SRL: variants seen among roughly 807,000 people sequenced by gnomAD.
The protein encoded by SRL is sarcalumenin.
SRL carries 23 observed loss-of-function variants against 39.5 expected under a neutral mutation model. The observed-to-expected ratio is 0.58, with a 90% CI of 0.42 to 0.82. The LOEUF is 0.82. Ranked by LOEUF, SRL falls within the 40% of genes least tolerant of loss-of-function variation. SRL has a pLI of 0.00. For missense variants in SRL, 592 were observed against 607.8 expected, an observed-to-expected ratio of 0.97 and a Z score of 0.27; for synonymous variants, 272 against 237.4, an observed-to-expected ratio of 1.15 and a Z score of -1.34.
Position 4,203,204 on chromosome 16 carries a change from G to T in SRL, c.221C>A (p.Ser74Tyr), listed in dbSNP as rs370600188. 1 of 1,614,192 alleles carries T rather than the reference G, an allele frequency of 6.2e-7. No homozygotes were observed. Among genetic ancestry groups the T allele is most frequent in the Non-Finnish European group, 8.5e-7 (1 of 1,180,024 alleles). ...CTGCCGGAGCTCATTGTACTTGTAGGACTGCTCCAGAGGCTTGATGGATGA... is the reference window on the plus strand; with the variant it reads ...CTGCCGGAGCTCATTGTACTTGTAGTACTGCTCCAGAGGCTTGATGGATGA... ...YHSSIKPLEQ[S>Y]YKYNELRQHE... The change falls in exon 3 of 6, where the codon TCC becomes TAC. Residue 74 changes from serine to tyrosine, a missense_variant. Coordinates refer to ENST00000399609, the MANE Select transcript of SRL (RefSeq NM_001098814.2).
chr16:4,195,437 A>C, intron 5 of SRL, 116 bp downstream of exon 5: 1 of 1,023,528 alleles, frequency 9.8e-7, no homozygotes, highest in Non-Finnish European at 1.5e-6. Context: ...GCCTCAAGGG[A>C]TCCTCCTGTC....
chr16:4,221,459 C>CAG lies in SRL; in HGVS notation c.62-16827_62-16826dup, dbSNP rs531363373. Among the ~76,000 whole-genome samples the CAG allele has an allele frequency of 1.2e-4, 19 of 152,180 alleles. 1 individual carries two copies. Among genetic ancestry groups the CAG allele is most frequent in the Non-Finnish European group, 2.8e-4 (19 of 68,032 alleles). The stretch of plus-strand genomic sequence containing the variant: ...GAAGAGAGGAAGGCTGAAGCCACAG[C>CAG]AGGGCTAGAGCAAGTGTACATTCCA... On this transcript the variant is annotated intron_variant, in intron 1 of 5. Coordinates refer to ENST00000399609, the MANE Select transcript of SRL (RefSeq NM_001098814.2).
In SRL at chr16:4,197,810, T is replaced by C; in HGVS notation, c.365A>G (p.Gln122Arg). The C allele has an allele frequency of 6.2e-7, 1 of 1,603,040 alleles. No homozygotes were observed. The highest frequency in any genetic ancestry group is 8.5e-7 in the Non-Finnish European group (1 of 1,169,884). ...AGAATATTGATTACCTGTATAGAGC[T>C]GATAGCGAGTATTTTCCAGCCCAAG... Reference protein sequence around the residue: ...YLLGLENTRYQLYTGAEPTTS... With the variant: ...YLLGLENTRYRLYTGAEPTTS... The change falls in exon 4 of 6, where the codon CAG becomes CGG. Residue 122 changes from glutamine (Q) to arginine (R), a missense_variant. Transcript: ENST00000399609.
At chr16:4,219,522 C>T (rs902502212) in intron 1 of SRL, among the ~76,000 whole-genome samples, 6 of 152,318 alleles carry the variant, frequency 3.9e-5, no homozygotes, top group Middle Eastern at 3.4e-3. Context: ...AGCGCGATAT[C>T]GGCTCACTGC....
Position 4,192,042 on chromosome 16 carries a change from CT to C in SRL, c.*110del. The C allele has an allele frequency of 8.1e-7, 1 of 1,232,174 alleles. No homozygotes were observed. Among genetic ancestry groups the C allele is most frequent in the Non-Finnish European group, 1.1e-6 (1 of 878,988 alleles). 76.3% of individuals were successfully genotyped at this position (1,232,174 alleles called of 1,614,324 possible). ...GCCTCAATGAACTCCCAACTCTCCACTGTGTAATAATTCCTGCCAGTGTGGC... is the reference window on the plus strand; with the variant it reads ...GCCTCAATGAACTCCCAACTCTCCACGTGTAATAATTCCTGCCAGTGTGGC... On this transcript the variant is annotated 3_prime_UTR_variant, in exon 6 of 6. Transcript: ENST00000399609. The surrounding 1 kb of genome is among the most constrained non-coding windows in gnomAD (Gnocchi z 4.0).
At chr16:4,199,863 A>G (rs1034140129) in intron 3 of SRL, among the ~76,000 whole-genome samples, 12 of 151,166 alleles carry the variant, frequency 7.9e-5, no homozygotes, top group Admixed American at 1.3e-4. Context: ...CGCCTGGCTA[A>G]TTTTTGTATT....
intron 5 of SRL, 120 bp from the exon 6 acceptor site, chr16:4,193,084 G>T (rs924579751): frequency 1.2e-6 from 1 of 839,826 alleles, no homozygotes; most frequent in Non-Finnish European, 1.8e-6. Context: ...GGATTTTCTG[G>T]GTTTCTACAG....
chr16:4,197,060 C>CTTTTTTTTTTTTTTT (rs1172658613), intron 4 of SRL, among the ~76,000 whole-genome samples: 1 of 85,918 alleles, frequency 1.2e-5, no homozygotes, highest in African/African-American at 4.6e-5. Flanking sequence ...TCCAAATTTT[C>CTTTTTTTTTTTTTTT]TTTTTTTTTT....
rs2052318895 is a variant in SRL at position 4,206,399 on chromosome 16, G to T, written c.62-1765C>A. On this transcript the variant is annotated intron_variant, in intron 1 of 5. Coordinates refer to ENST00000399609, the MANE Select transcript of SRL (RefSeq NM_001098814.2). ...TCCCTGCACGTCCCTCCACCCGCTG[G>T]CCCCGGGGCACCAATCATTCCATTA... Among the ~76,000 whole-genome samples the T allele has an allele frequency of 2.0e-5, 3 of 152,126 alleles. No homozygotes were observed. In the South Asian group the frequency reaches 6.2e-4, roughly 32 times the overall value.
chr16:4,222,829 C>A lies in SRL; in HGVS notation c.62-18195G>T, dbSNP rs114753882. ...CAATTCCTGGCGAGATGCGGTGGCT[C>A]ACGCCTAGAATCCCAGCACTTTGGG... On this transcript the variant is annotated intron_variant, in intron 1 of 5. Transcript: ENST00000399609. Among the ~76,000 whole-genome samples, 460 of 152,268 alleles carry A rather than the reference C, an allele frequency of 3.0e-3. 3 individuals are homozygous for A. The highest frequency in any genetic ancestry group is 0.011 in the African/African-American group (437 of 41,574).
chr16:4,199,533 G>C (rs907794845), intron 3 of SRL, among the ~76,000 whole-genome samples: 3 of 151,376 alleles, frequency 2.0e-5, no homozygotes, highest in Non-Finnish European at 4.4e-5. Context: ...ACCAAGCCCA[G>C]CTCATTTTTG....
At chr16:4,214,169 A>G (rs1195010984) in intron 1 of SRL, among the ~76,000 whole-genome samples, 7 of 152,248 alleles carry the variant, frequency 4.6e-5, no homozygotes, top group Non-Finnish European at 1.0e-4. Context: ...AATAGAGGTC[A>G]GGACCTGTTT....
In SRL at chr16:4,234,397, G is replaced by A. The variant is rs150571793; in HGVS notation, c.61+7610C>T. ...GAGATGGGGTGGCTCAGCAATTGCT[G>A]CTCTGGGAGTCCCTCTGTGACAGAC... On this transcript the variant is annotated intron_variant, in intron 1 of 5. Coordinates refer to ENST00000399609, the MANE Select transcript of SRL (RefSeq NM_001098814.2). 1.3e-4 allele frequency among the ~76,000 whole-genome samples: 20 copies of A among 152,328 alleles called. No individual in the cohort carries two copies. In the East Asian group the frequency reaches 1.3e-3, roughly 10 times the overall value.
chr16:4,203,500 C>T (rs1214226585), intron 2 of SRL, among the ~76,000 whole-genome samples: 2 of 152,172 alleles, frequency 1.3e-5, no homozygotes, highest in African/African-American at 4.8e-5. Flanking sequence ...GCTTCCTGAA[C>T]TGTTTGGTTA....
At chr16:4,220,282 C>CAA (rs201520181) in intron 1 of SRL, among the ~76,000 whole-genome samples, 1,870 of 149,712 alleles carry the variant, frequency 0.012, 39 homozygotes, top group African/African-American at 0.045. Flanking sequence ...TACTAAAACA[C>CAA]ACACACACAC....
In SRL at chr16:4,230,680, A is replaced by G. The variant is rs138455634; in HGVS notation, c.61+11327T>C. On this transcript the variant is annotated intron_variant, in intron 1 of 5. Transcript: ENST00000399609. The stretch of plus-strand genomic sequence containing the variant: ...TGGGATTACAGGTGTGAGCCACCAC[A>G]CCCAGGAAGAATGTGACCTTCTATG... Among the ~76,000 whole-genome samples the G allele has an allele frequency of 2.2e-3, 341 of 151,824 alleles. 3 individuals carry two copies. Among genetic ancestry groups the G allele is most frequent in the African/African-American group, 5.9e-3 (244 of 41,382 alleles).
At position 4,195,785 on chromosome 16, in the gene SRL, G is replaced by A. The variant is rs779739370; in HGVS notation, c.378C>T (p.Gly126=). The A allele has an allele frequency of 6.8e-6, 11 of 1,612,666 alleles. No individual in the cohort carries two copies. The highest frequency in any genetic ancestry group is 6.6e-5 in the South Asian group (6 of 90,994). ...LENTRYQLYT[G]AEPTTSEFTV... ...TGAACTCAGAGGTGGTGGGTTCAGC[G>A]CCTGGGCACACGGGGTGAGAGGTGA... Residue 126 remains glycine (G), a splice_region_variant and synonymous_variant, in exon 5 of 6, where the codon GGC becomes GGT. Transcript: ENST00000399609.
intron 1 of SRL, among the ~76,000 whole-genome samples, chr16:4,213,404 C>CTTTTTCTTCTTT (rs1237775177): frequency 1.4e-5 from 1 of 69,584 alleles, no homozygotes; most frequent in African/African-American, 8.2e-5. Flanking sequence ...TTTTCTTTTT[C>CTTTTTCTTCTTT]TTTTTTTTTT....
intron 1 of SRL, among the ~76,000 whole-genome samples, chr16:4,222,554 A>G (rs2052542101): frequency 1.3e-5 from 2 of 152,154 alleles, no homozygotes; most frequent in Admixed American, 6.5e-5. Context: ...GATTACAGGC[A>G]TGAGCCACTG....
Sources: allele counts gnomAD v4.1 joint callset (sites outside exome capture counted in the v4.1 genomes callset), GRCh38; gene constraint gnomAD v4.1.1; non-coding constraint Gnocchi (gnomAD v3.1); transcripts MANE v1.5; gene names NCBI Gene and HGNC (gene_info 2026-07-23, HGNC 2026-07-21).